RARB: variants seen among roughly 807,000 people sequenced by gnomAD.
The protein encoded by RARB is HBV-activated protein.
In RARB, 17 loss-of-function variants were observed where a neutral mutation model predicts 51.9. That is an observed-to-expected ratio of 0.33 (90% CI 0.22 to 0.49). The LOEUF is 0.49. Among genes scored for constraint, RARB ranks in the 20% least tolerant of loss-of-function variants. The pLI is 0.99. For missense variants in RARB, 369 were observed against 550.8 expected (o/e 0.67, Z 3.30); for synonymous variants, 215 against 195.4 (o/e 1.10, Z -0.84).
At chr3:24,999,180 G>A (rs1464684296) in intron 2 of RARB, among the ~76,000 whole-genome samples, 1 of 152,096 alleles carries the variant, frequency 6.6e-6, no homozygotes, top group East Asian at 1.9e-4. Flanking sequence ...AAGTACTTAT[G>A]TACTTGCTGA....
At chr3:25,193,133 C>A (rs1701145332) in intron 5 of RARB, among the ~76,000 whole-genome samples, 1 of 152,066 alleles carries the variant, frequency 6.6e-6, no homozygotes, top group Non-Finnish European at 1.5e-5. Flanking sequence ...AGCATGTAAT[C>A]ACTTGTCCCA....
At chr3:24,958,255 GTTTTTTTTTTTTTTTTTTTT>G (rs71057692) in intron 2 of RARB, among the ~76,000 whole-genome samples, 3 of 69,444 alleles carry the variant, frequency 4.3e-5, no homozygotes, top group South Asian at 7.4e-4. Context: ...AGCTGCTCAG[GTTTTTTTTTTTTTTTTTTTT>G]TTTTTTTTTT....
intron 5 of RARB, among the ~76,000 whole-genome samples, chr3:25,302,492 A>G (rs1187216794): frequency 1.3e-5 from 2 of 152,232 alleles, no homozygotes; most frequent in African/African-American, 4.8e-5. Context: ...TATGCTGAGT[A>G]AAAGAAACCA....
chr3:25,174,098 T>A (rs187906432), intron 4 of RARB: 13 of 182,300 alleles, frequency 7.1e-5, no homozygotes, highest in African/African-American at 2.6e-4. Context: ...ATATATATAT[T>A]TTTTTCATTT....
intron 2 of RARB, among the ~76,000 whole-genome samples, chr3:25,016,468 T>A (rs936105470): frequency 6.6e-6 from 1 of 152,138 alleles, no homozygotes; most frequent in East Asian, 1.9e-4. Flanking sequence ...CTTTGGACAT[T>A]GACTAATTCC....
chr3:25,535,281 G>C (rs1367802636), intron 3 of RARB, among the ~76,000 whole-genome samples: 1 of 152,104 alleles, frequency 6.6e-6, no homozygotes, highest in Non-Finnish European at 1.5e-5. Flanking sequence ...GTGGTCACTT[G>C]CTTGGAGTGA....
At chr3:25,585,461 G>T (rs2125313174) in intron 5 of RARB, among the ~76,000 whole-genome samples, 1 of 152,358 alleles carries the variant, frequency 6.6e-6, no homozygotes, top group Non-Finnish European at 1.5e-5. Flanking sequence ...CTTTGCCAGG[G>T]TTTGTTTAAA....
chr3:25,015,346 A>G (rs1440028662), intron 2 of RARB, among the ~76,000 whole-genome samples: 1 of 152,192 alleles, frequency 6.6e-6, no homozygotes. Flanking sequence ...TGTTTCTTAG[A>G]TGCGAGGAAT....
At chr3:25,104,631 G>A (rs940448768) in intron 3 of RARB, among the ~76,000 whole-genome samples, 2 of 152,060 alleles carry the variant, frequency 1.3e-5, no homozygotes, top group Non-Finnish European at 2.9e-5. Flanking sequence ...GTGACACAAT[G>A]AGACTCCATC....
chr3:24,998,981 A>AT lies in RARB; in HGVS notation c.-379-61144_-379-61143insT, dbSNP rs1559428005. On this transcript the variant is annotated intron_variant, in intron 2 of 11. Transcript: ENST00000383772. ...TTATCCTTACCCTAAAAATGAAAAA[A>AT]CTTGGATTCCAAGAATTTAAGCAAT... is the stretch of plus-strand genomic sequence containing the variant. Among the ~76,000 whole-genome samples, 4 of 152,184 alleles carry AT rather than the reference A, an allele frequency of 2.6e-5. No homozygotes were observed. The South Asian group carries it at 8.3e-4, about 32-fold the overall frequency.
At chr3:25,400,534 A>G (rs573024749) in intron 5 of RARB, among the ~76,000 whole-genome samples, 1 of 152,328 alleles carries the variant, frequency 6.6e-6, no homozygotes, top group African/African-American at 2.4e-5. Flanking sequence ...TCTTTCATCA[A>G]AGATTTATTG....
intron 5 of RARB, among the ~76,000 whole-genome samples, chr3:25,249,504 T>G (rs1702651160): frequency 6.6e-6 from 1 of 152,144 alleles, no homozygotes; most frequent in South Asian, 2.1e-4. Flanking sequence ...ATCCCTGCTT[T>G]TTTTGTTTCT....
At chr3:25,154,669 C>T (rs76781901) in intron 4 of RARB, among the ~76,000 whole-genome samples, 1 of 152,190 alleles carries the variant, frequency 6.6e-6, no homozygotes, top group Admixed American at 6.5e-5. Flanking sequence ...TGTGTAGGGT[C>T]TTCCATCCAG....
intron 4 of RARB, among the ~76,000 whole-genome samples, chr3:25,146,106 G>C (rs1257421546): frequency 6.6e-6 from 1 of 152,124 alleles, no homozygotes; most frequent in African/African-American, 2.4e-5. Flanking sequence ...CCCCTCACTA[G>C]CTCTGTGACC....
chr3:25,018,130 G>C (rs1490881288), intron 2 of RARB, among the ~76,000 whole-genome samples: 3 of 152,220 alleles, frequency 2.0e-5, no homozygotes, highest in Non-Finnish European at 2.9e-5. Context: ...CACAGAGGTA[G>C]ATTGGAAGTT....
At chr3:25,251,203 T>C (rs953052542) in intron 5 of RARB, among the ~76,000 whole-genome samples, 1 of 152,112 alleles carries the variant, frequency 6.6e-6, no homozygotes, top group African/African-American at 2.4e-5. Context: ...CATGCATTAC[T>C]ACTTCATTCA....
chr3:25,293,029 T>A (rs1703826564), intron 5 of RARB, among the ~76,000 whole-genome samples: 1 of 152,206 alleles, frequency 6.6e-6, no homozygotes, highest in Non-Finnish European at 1.5e-5. Flanking sequence ...TGTGTTATTT[T>A]TAATTTTTTT....
chr3:25,424,823 T>A (rs1288902714), upstream of RARB, among the ~76,000 whole-genome samples: 1 of 152,202 alleles, frequency 6.6e-6, no homozygotes, highest in Non-Finnish European at 1.5e-5. Flanking sequence ...CAAACATGTT[T>A]GCAGAGCATG....
chr3:25,382,957 A>G (rs1308191507), intron 5 of RARB, among the ~76,000 whole-genome samples: 1 of 152,176 alleles, frequency 6.6e-6, no homozygotes, highest in East Asian at 1.9e-4. Context: ...ACTTTCCCTC[A>G]TAGGCAAACT....
Sources: gnomAD v4.1 joint callset for allele counts (sites outside exome capture counted in the v4.1 genomes callset) on GRCh38, gnomAD v4.1.1 for gene constraint, MANE v1.5 for transcripts, NCBI Gene and HGNC (gene_info 2026-07-23, HGNC 2026-07-21) for gene names.